Variants in WAC observed in about 807,000 individuals in gnomAD.
WAC encodes WW domain-containing adapter protein with coiled-coil.
A neutral mutation model predicts 79.6 loss-of-function variants in WAC; 11 were observed. The ratio of observed to expected loss-of-function variants is 0.14; its 90% CI spans 0.09 to 0.23. WAC has a LOEUF of 0.23. WAC is among the 10% of genes least tolerant of loss of function. The probability of loss-of-function intolerance (pLI) is 1.00; values close to 1 mark genes in which losing one functional copy is unlikely to be tolerated. For synonymous variants in WAC, 304 were observed against 276.9 expected (o/e 1.10, Z -0.97); for missense variants, 728 against 773.5 (o/e 0.94, Z 0.70).
intron 6 of WAC, among the ~76,000 whole-genome samples, chr10:28,595,058 G>T (rs1397232064): frequency 6.6e-6 from 1 of 152,132 alleles, no homozygotes; most frequent in East Asian, 1.9e-4. Context: ...TATGCTGCGG[G>T]TGTTGGACTT....
At chr10:28,598,000 T>C (rs1009730414) in intron 7 of WAC, among the ~76,000 whole-genome samples, 79 of 152,216 alleles carry the variant, frequency 5.2e-4, no homozygotes, top group African/African-American at 1.7e-3. Flanking sequence ...ACTTTTGGCC[T>C]CAAGCAGTCT....
At chr10:28,606,191 C>A (rs539852910) in intron 7 of WAC, among the ~76,000 whole-genome samples, 8 of 152,212 alleles carry the variant, frequency 5.3e-5, no homozygotes, top group Admixed American at 3.3e-4. Context: ...GCTGGGACCA[C>A]AGGCGCAAGC....
chr10:28,617,427 C>G (rs1287558848), intron 12 of WAC, among the ~76,000 whole-genome samples: 1 of 152,162 alleles, frequency 6.6e-6, no homozygotes, highest in Admixed American at 6.5e-5. Flanking sequence ...GTTGGAAATC[C>G]TATTTTCTCC....
At chr10:28,555,150 T>C in intron 3 of WAC, among the ~76,000 whole-genome samples, 1 of 152,160 alleles carries the variant, frequency 6.6e-6, no homozygotes, top group African/African-American at 2.4e-5. Context: ...GTCTTTCTGC[T>C]TTCCAACCTT....
intron 2 of WAC, among the ~76,000 whole-genome samples, chr10:28,534,615 G>C (rs1836516238): frequency 6.6e-6 from 1 of 152,204 alleles, no homozygotes; most frequent in Admixed American, 6.5e-5. Context: ...TTCTAGGTAG[G>C]TGGGTTCCTT....
intron 3 of WAC, among the ~76,000 whole-genome samples, chr10:28,578,472 A>G (rs1839363771): frequency 6.6e-6 from 1 of 152,144 alleles, no homozygotes; most frequent in South Asian, 2.1e-4. Flanking sequence ...AAATGCCATA[A>G]TATTTTGCTC....
chr10:28,586,498 A>G (rs1839828204), intron 4 of WAC, among the ~76,000 whole-genome samples: 1 of 152,100 alleles, frequency 6.6e-6, no homozygotes, highest in Non-Finnish European at 1.5e-5. Context: ...CAACATAGTA[A>G]GCGCCTGTCT....
intron 3 of WAC, chr10:28,537,618 C>G (rs1836752276): frequency 6.6e-6 from 1 of 152,176 alleles, no homozygotes; most frequent in Non-Finnish European, 1.5e-5. Flanking sequence ...GTTGCTTATT[C>G]ATTCAACAAA....
At chr10:28,533,728 G>T in intron 1 of WAC, 108 bp downstream of exon 1, 8 of 1,285,426 alleles carry the variant, frequency 6.2e-6, no homozygotes, top group Non-Finnish European at 8.6e-6. Flanking sequence ...TGTTAACCCT[G>T]ATCCGGATCG....
At chr10:28,609,583 T>C (rs1303058723) in intron 8 of WAC, among the ~76,000 whole-genome samples, 1 of 152,162 alleles carries the variant, frequency 6.6e-6, no homozygotes, top group African/African-American at 2.4e-5. Flanking sequence ...TTAGGCAAAG[T>C]GGGGCTTTTA....
At chr10:28,553,017 G>A (rs1837774428) in intron 3 of WAC, among the ~76,000 whole-genome samples, 1 of 151,968 alleles carries the variant, frequency 6.6e-6, no homozygotes, top group Admixed American at 6.6e-5. Flanking sequence ...GCCAGCTCAT[G>A]GTAACTTTCC....
chr10:28,582,359 C>G (rs575240132), intron 3 of WAC, among the ~76,000 whole-genome samples: 1 of 152,194 alleles, frequency 6.6e-6, no homozygotes, highest in Non-Finnish European at 1.5e-5. Context: ...ACTTGGATAT[C>G]TAAAACCTTA....
In WAC at chr10:28,558,075, G is replaced by GA. The variant is rs201858930; in HGVS notation, c.274+22327dup. Among the ~76,000 whole-genome samples, 919 of 150,188 alleles carry GA rather than the reference G, an allele frequency of 6.1e-3. 13 individuals carry two copies. The highest frequency in any genetic ancestry group is 0.021 in the African/African-American group (865 of 40,948). ...GGCAACAGAGCGAGATTCTGTCTCG[G>GA]AAAAAAAAAGAAAATACTCTTAGAG... On this transcript the variant is annotated intron_variant, in intron 3 of 13. Transcript: ENST00000354911.
intron 3 of WAC, among the ~76,000 whole-genome samples, chr10:28,554,503 G>A (rs1241032106): frequency 6.6e-6 from 1 of 152,046 alleles, no homozygotes; most frequent in Non-Finnish European, 1.5e-5. Context: ...CCCTTATTTT[G>A]CTTAGCTCAT....
intron 3 of WAC, among the ~76,000 whole-genome samples, chr10:28,560,262 C>G (rs1034110342): frequency 1.4e-4 from 22 of 152,056 alleles, no homozygotes; most frequent in African/African-American, 5.3e-4. Flanking sequence ...TGGGAGGCAC[C>G]TGAGGGGGCA....
chr10:28,546,854 A>G (rs1041003645), intron 3 of WAC, among the ~76,000 whole-genome samples: 1 of 147,864 alleles, frequency 6.8e-6, no homozygotes, highest in Non-Finnish European at 1.5e-5. Context: ...ATGTAATTTC[A>G]GTTTTGATTT....
rs1426199100 is a variant in WAC at position 28,621,115 on chromosome 10, C to CA, written c.*1516dup. On this transcript the variant is annotated 3_prime_UTR_variant, in exon 14 of 14. Coordinates refer to ENST00000354911, the MANE Select transcript of WAC (RefSeq NM_016628.5). ...ATGAAAAAAATCTTTTCTTCCCCCACAAAAAAACCTTTACCATCAAAATCT... is the reference window on the plus strand; with the variant it reads ...ATGAAAAAAATCTTTTCTTCCCCCACAAAAAAAACCTTTACCATCAAAATCT... 1 of 150,094 alleles carries CA rather than the reference C, an allele frequency of 6.7e-6. No individual in the cohort carries two copies. The highest frequency in any genetic ancestry group is 6.6e-5 in the Admixed American group (1 of 15,106). The allele number at this position is 150,094 out of a possible 1,614,324, so 9.3% of individuals were successfully genotyped here.
chr10:28,573,913 G>A (rs934419536), intron 3 of WAC, among the ~76,000 whole-genome samples: 7 of 144,178 alleles, frequency 4.9e-5, no homozygotes, highest in Non-Finnish European at 9.0e-5. Flanking sequence ...TTTCTGTCTC[G>A]ACAGGTTTGT....
At chr10:28,552,872 T>G (rs564149850) in intron 3 of WAC, among the ~76,000 whole-genome samples, 44 of 140,730 alleles carry the variant, frequency 3.1e-4, no homozygotes, top group African/African-American at 8.5e-4. Context: ...TTTTTTTGTC[T>G]TCTTGGGTAA....
Sources: gnomAD v4.1 joint callset for allele counts (sites outside exome capture counted in the v4.1 genomes callset) on GRCh38, gnomAD v4.1.1 for gene constraint, MANE v1.5 for transcripts, NCBI Gene and HGNC (gene_info 2026-07-23, HGNC 2026-07-21) for gene names.